The following ZNF475 variants were observed in gnomAD, a reference collection of about 807,000 sequenced individuals.
ZNF475 encodes zinc finger protein 475.
chr5:122,181,745 T>G, the ZNF475 span, among the ~76,000 whole-genome samples: 1 of 152,220 alleles, frequency 6.6e-6, no homozygotes, highest in Non-Finnish European at 1.5e-5. Context: ...TGTACTGAAA[T>G]CATTCTATTT....
At chr5:122,175,705 T>G in the ZNF475 span, among the ~76,000 whole-genome samples, 5 of 152,160 alleles carry the variant, frequency 3.3e-5, no homozygotes, top group African/African-American at 9.7e-5. Flanking sequence ...TAACTTTTCC[T>G]TTTTCCCTTT....
chr5:122,166,243 T>A, the ZNF475 span, among the ~76,000 whole-genome samples: 322 of 152,346 alleles, frequency 2.1e-3, 2 homozygotes, highest in African/African-American at 7.4e-3. Flanking sequence ...ACTAACTGAA[T>A]TTATATGTGT....
At chr5:122,179,268 T>A in the ZNF475 span, among the ~76,000 whole-genome samples, 1 of 152,218 alleles carries the variant, frequency 6.6e-6, no homozygotes, top group African/African-American at 2.4e-5. Context: ...TTTTTTCTAA[T>A]TCTGTGAAGA....
At chr5:122,171,105 GTT>G in the ZNF475 span, among the ~76,000 whole-genome samples, 3 of 151,786 alleles carry the variant, frequency 2.0e-5, no homozygotes, top group Non-Finnish European at 4.4e-5. Context: ...CCAACTACTA[GTT>G]TGTTATAATA....
At chr5:122,170,272 T>C in the ZNF475 span, among the ~76,000 whole-genome samples, 1 of 152,160 alleles carries the variant, frequency 6.6e-6, no homozygotes, top group Non-Finnish European at 1.5e-5. Context: ...AGTGCAGACC[T>C]CAAAAGTTGA....
chr5:122,175,419 A>G, the ZNF475 span, among the ~76,000 whole-genome samples: 4 of 152,222 alleles, frequency 2.6e-5, no homozygotes, highest in Non-Finnish European at 5.9e-5. Flanking sequence ...ACCTGGTGCT[A>G]CTAAAGAGCA....
chr5:122,179,516 A>C, the ZNF475 span: 6 of 1,068,620 alleles, frequency 5.6e-6, no homozygotes, highest in Non-Finnish European at 7.9e-6. Context: ...TGTGAATGGG[A>C]GTTCACTCAT....
At chr5:122,175,186 G>T in the ZNF475 span, among the ~76,000 whole-genome samples, 7 of 151,632 alleles carry the variant, frequency 4.6e-5, no homozygotes, top group African/African-American at 1.7e-4. Context: ...TTTTTGCTTC[G>T]TCTATGTTAA....
chr5:122,173,703 G>C, the ZNF475 span, among the ~76,000 whole-genome samples: 18 of 152,146 alleles, frequency 1.2e-4, no homozygotes, highest in Non-Finnish European at 2.1e-4. Context: ...CAAGTTAAAA[G>C]TTTTCCCTAA....
At chr5:122,177,635 C>G in the ZNF475 span, among the ~76,000 whole-genome samples, 1 of 152,154 alleles carries the variant, frequency 6.6e-6, no homozygotes, top group Non-Finnish European at 1.5e-5. Flanking sequence ...AAGATAAAGT[C>G]ACCAGGCTAG....
chr5:122,166,644 C>T, the ZNF475 span, among the ~76,000 whole-genome samples: 2 of 152,186 alleles, frequency 1.3e-5, no homozygotes, highest in Non-Finnish European at 2.9e-5. Context: ...CAGCTTCATC[C>T]ATGTCCCTAC....
chr5:122,164,221 A>T, the ZNF475 span, among the ~76,000 whole-genome samples: 2 of 152,326 alleles, frequency 1.3e-5, no homozygotes, highest in African/African-American at 4.8e-5. Context: ...CAGAGTCACA[A>T]GCTCAAATGC....
chr5:122,177,385 T>C, the ZNF475 span, among the ~76,000 whole-genome samples: 1 of 152,234 alleles, frequency 6.6e-6, no homozygotes, highest in Non-Finnish European at 1.5e-5. Flanking sequence ...TATATGGGTG[T>C]ACTCAAGCCT....
chr5:122,182,638 A>T, the ZNF475 span: 1 of 1,534,682 alleles, frequency 6.5e-7, no homozygotes, highest in South Asian at 1.2e-5. Context: ...AAAGCCGCCA[A>T]GTAAAGCCCT....
chr5:122,163,361 A>G, the ZNF475 span: 1 of 152,226 alleles, frequency 6.6e-6, no homozygotes, highest in South Asian at 2.1e-4. Context: ...AGTTGCCATT[A>G]TGCCACTTGG....
At chr5:122,169,162 C>A in the ZNF475 span, among the ~76,000 whole-genome samples, 2 of 152,166 alleles carry the variant, frequency 1.3e-5, no homozygotes, top group Admixed American at 1.3e-4. Context: ...TACTATTAAA[C>A]AGTTGTTGAA....
chr5:122,178,009 C>A, the ZNF475 span, among the ~76,000 whole-genome samples: 2 of 152,006 alleles, frequency 1.3e-5, no homozygotes, highest in Non-Finnish European at 2.9e-5. Flanking sequence ...GTTTTCTGTT[C>A]CTGTGTTAGT....
chr5:122,179,257 G>T, the ZNF475 span, among the ~76,000 whole-genome samples: 15 of 152,118 alleles, frequency 9.9e-5, no homozygotes, highest in East Asian at 5.8e-4. Context: ...ATTTAAAGTG[G>T]TTTTTTCTAA....
the ZNF475 span, among the ~76,000 whole-genome samples, chr5:122,170,011 G>C: frequency 6.6e-6 from 1 of 152,166 alleles, no homozygotes; most frequent in Non-Finnish European, 1.5e-5. Flanking sequence ...TAAAGTAATG[G>C]AGCAGAATTC....
Sources: allele counts gnomAD v4.1 joint callset (sites outside exome capture counted in the v4.1 genomes callset), GRCh38; gene constraint gnomAD v4.1.1; transcripts MANE v1.5; gene names NCBI Gene and HGNC (gene_info 2026-07-23, HGNC 2026-07-21).